The following CACNG8 variants were observed in gnomAD, a reference collection of about 807,000 sequenced individuals.
CACNG8 encodes the protein voltage-dependent calcium channel gamma-8 subunit.
A neutral mutation model predicts 26.9 loss-of-function variants in CACNG8; 5 were observed. The ratio of observed to expected loss-of-function variants is 0.19; its 90% confidence interval spans 0.10 to 0.39. CACNG8 has a LOEUF of 0.39. Ranked by LOEUF, CACNG8 falls within the 10% of genes least tolerant of loss-of-function variation. The pLI is 1.00. For synonymous variants in CACNG8, 321 were observed against 296.7 expected (o/e 1.08, Z -0.84); for missense variants, 473 against 609.4 (o/e 0.78, Z 2.36).
At position 53,963,118 on chromosome 19, in the gene CACNG8, G is replaced by A. The variant is rs915325878; in HGVS notation, c.-25G>A. 7.2e-7 allele frequency: 1 copy of A among 1,385,734 alleles called. No individual in the cohort carries two copies. The highest frequency in any genetic ancestry group is 9.4e-7 in the Non-Finnish European group (1 of 1,060,078). The allele number at this position is 1,385,734 out of a possible 1,614,324, so 85.8% of individuals were successfully genotyped here. A position where few individuals can be genotyped will look rare whatever the true frequency, so the allele number is the denominator to read the frequency against. On this transcript the variant is annotated 5_prime_UTR_variant, in exon 1 of 4. Coordinates refer to ENST00000270458, the MANE Select transcript of CACNG8 (RefSeq NM_031895.6). Reference sequence around the variant, plus strand: ...CCCCGCTGCCCCGGTGGTGGCCCACGGCCCCCCGGCTGCCCGTGGTCAAAC... The same window carrying A: ...CCCCGCTGCCCCGGTGGTGGCCCACAGCCCCCCGGCTGCCCGTGGTCAAAC...
At chr19:53,968,835 G>C (rs2069286178) in intron 1 of CACNG8, among the ~76,000 whole-genome samples, 1 of 151,180 alleles carries the variant, frequency 6.6e-6, no homozygotes, top group Non-Finnish European at 1.5e-5. Context: ...GAAAGGAGTG[G>C]CCACAGGTTT....
At chr19:53,964,659 C>T (rs888483546) in intron 1 of CACNG8, among the ~76,000 whole-genome samples, 1 of 152,110 alleles carries the variant, frequency 6.6e-6, no homozygotes, top group Non-Finnish European at 1.5e-5. Flanking sequence ...CTCCCTGGCT[C>T]TCGACTTCCC....
At chr19:53,969,763 T>A (rs1425527754) in intron 1 of CACNG8, among the ~76,000 whole-genome samples, 1 of 152,200 alleles carries the variant, frequency 6.6e-6, no homozygotes, top group Non-Finnish European at 1.5e-5. Flanking sequence ...TGCAGTAGAA[T>A]GTAATGACTG....
At chr19:53,980,079 TGTGTGTGCGCGC>T (rs1568801679) in intron 3 of CACNG8, 72 bp downstream of exon 3, 3 of 1,419,504 alleles carry the variant, frequency 2.1e-6, no homozygotes, top group East Asian at 2.7e-5. Flanking sequence ...TGTGTGTGTG[TGTGTGTGCGCGC>T]GCGCGCGTGA....
intron 1 of CACNG8, among the ~76,000 whole-genome samples, chr19:53,977,562 G>A (rs576038411): frequency 7.2e-5 from 11 of 152,066 alleles, no homozygotes; most frequent in Non-Finnish European, 1.5e-4. Context: ...CAGGTTCCCT[G>A]CAGAAAGAGA....
Position 53,963,353 on chromosome 19 carries a change from G to C in CACNG8, c.211G>C (p.Gly71Arg). The change falls in exon 1 of 4, where the codon GGC becomes CGC. Residue 71 changes from glycine (G) to arginine (R), a missense_variant. Gly to Arg is a moderately radical substitution (Grantham distance 125, BLOSUM62 -2). This residue lies in a region of CACNG8 where 69 missense variants were observed against 66.7 expected (regional missense o/e 1.03). Transcript: ENST00000270458. ...CGACGGGACCCCCCACCGCGGGGGC[G>C]GCGGCGCCTCGGAGAAGAAGGACCC... 1.9e-6 allele frequency: 3 copies of C among 1,592,768 alleles called. No homozygotes were observed. Among genetic ancestry groups the C allele is most frequent in the Non-Finnish European group, 2.6e-6 (3 of 1,175,102 alleles).
At chr19:53,966,977 G>C (rs1394687608) in intron 1 of CACNG8, among the ~76,000 whole-genome samples, 3 of 152,112 alleles carry the variant, frequency 2.0e-5, no homozygotes, top group Admixed American at 6.6e-5. Context: ...TGAGAGAGAA[G>C]AGCCAGGGGC....
intron 2 of CACNG8, 31 bp from the exon 3 acceptor site, chr19:53,979,836 C>A: frequency 6.4e-7 from 1 of 1,563,646 alleles, no homozygotes. Context: ...CCCTCGCTCT[C>A]CCTCCTTTTC....
intron 1 of CACNG8, among the ~76,000 whole-genome samples, chr19:53,968,844 T>G (rs188413850): frequency 6.7e-6 from 1 of 150,184 alleles, no homozygotes; most frequent in Admixed American, 6.6e-5. Context: ...GGCCACAGGT[T>G]TGGGGAAAAA....
At chr19:53,970,678 AT>A (rs1359459678) in intron 1 of CACNG8, among the ~76,000 whole-genome samples, 1 of 152,106 alleles carries the variant, frequency 6.6e-6, no homozygotes, top group African/African-American at 2.4e-5. Context: ...CACCCCTGTA[AT>A]CCCAGCATTT....
intron 1 of CACNG8, among the ~76,000 whole-genome samples, chr19:53,966,335 G>A (rs187216488): frequency 3.3e-5 from 5 of 152,156 alleles, no homozygotes; most frequent in Admixed American, 2.0e-4. Context: ...TGATTGGCCC[G>A]CCTAGGCCTC....
intron 1 of CACNG8, among the ~76,000 whole-genome samples, 193 bp from the exon 2 acceptor site, chr19:53,977,953 C>A (rs1004755915): frequency 6.6e-6 from 1 of 152,102 alleles, no homozygotes; most frequent in Non-Finnish European, 1.5e-5. Context: ...CTTTAACAGG[C>A]GGGGAAACAG....
intron 1 of CACNG8, among the ~76,000 whole-genome samples, chr19:53,972,366 T>C (rs865923289): frequency 1.5e-4 from 19 of 128,538 alleles, no homozygotes; most frequent in African/African-American, 2.7e-4. Flanking sequence ...CTTTTCTTTT[T>C]TTTTTTTTTT....
intron 2 of CACNG8, among the ~76,000 whole-genome samples, chr19:53,979,185 G>A (rs1411180134): frequency 7.4e-6 from 1 of 135,032 alleles, no homozygotes; most frequent in Non-Finnish European, 1.6e-5. Flanking sequence ...AGACAGATGA[G>A]GCCAGGCAGA....
In CACNG8 at chr19:53,984,265, A is replaced by AG. The variant is rs894588104; in HGVS notation, c.*1420dup. 2 of 152,262 alleles carry AG rather than the reference A, an allele frequency of 1.3e-5. No individual in the cohort carries two copies. The highest frequency in any genetic ancestry group is 4.8e-5 in the African/African-American group (2 of 41,460). 9.4% of individuals were successfully genotyped at this position (152,262 alleles called of 1,614,324 possible). A position where few individuals can be genotyped will look rare whatever the true frequency, so the allele number is the denominator to read the frequency against. ...GAAGTGTGTTAGGATCCAGATCCCC[A>AG]GGGGTGAAACAGACTCTAGCCCTGC... On this transcript the variant is annotated 3_prime_UTR_variant, in exon 4 of 4. Coordinates refer to ENST00000270458, the MANE Select transcript of CACNG8 (RefSeq NM_031895.6).
At chr19:53,981,622 C>T (rs1002445762) in intron 3 of CACNG8, among the ~76,000 whole-genome samples, 3 of 134,238 alleles carry the variant, frequency 2.2e-5, no homozygotes, top group African/African-American at 8.6e-5. Context: ...CATCCAGGGC[C>T]GTGTCTGGAC....
chr19:53,966,189 G>T (rs1200186406), intron 1 of CACNG8, among the ~76,000 whole-genome samples: 1 of 152,128 alleles, frequency 6.6e-6, no homozygotes, highest in African/African-American at 2.4e-5. Flanking sequence ...CTGGGTTCAA[G>T]CGATTCTCAT....
At chr19:53,970,098 C>T (rs557446692) in intron 1 of CACNG8, among the ~76,000 whole-genome samples, 5 of 151,872 alleles carry the variant, frequency 3.3e-5, no homozygotes, top group Non-Finnish European at 7.4e-5. Flanking sequence ...GGGCGGATCA[C>T]GAGGTCAGGA....
chr19:53,981,884 C>T (rs1373919511), intron 3 of CACNG8, among the ~76,000 whole-genome samples, 196 bp from the exon 4 acceptor site: 2 of 151,886 alleles, frequency 1.3e-5, no homozygotes, highest in East Asian at 1.9e-4. Flanking sequence ...GAGCATCGGG[C>T]GGGGAGTTGT....
Sources: allele counts gnomAD v4.1 joint callset (sites outside exome capture counted in the v4.1 genomes callset), GRCh38; gene constraint gnomAD v4.1.1; regional missense constraint gnomAD v4.1.1; transcripts MANE v1.5; gene names NCBI Gene and HGNC (gene_info 2026-07-23, HGNC 2026-07-21).